ZNF385D: variants seen among roughly 807,000 people sequenced by gnomAD.
The protein encoded by ZNF385D is zinc finger protein 385D, also known as zinc finger protein 659.
Under a neutral mutation model 35.8 loss-of-function variants are expected in ZNF385D, and 15 were observed. The observed-to-expected ratio is 0.42, with a 90% CI of 0.28 to 0.64. The LOEUF (loss-of-function observed/expected upper bound fraction) is 0.64. Among genes scored for constraint, ZNF385D ranks in the 30% least tolerant of loss-of-function variants. ZNF385D has a pLI of 0.23. For synonymous variants in ZNF385D, 212 were observed against 186.8 expected (o/e 1.13, Z -1.10); for missense variants, 474 against 494.6 (o/e 0.96, Z 0.39).
rs1232984236 is a variant in ZNF385D, at chr3:22,314,320, T to G, written c.106+58130A>C. On this transcript the variant is annotated intron_variant, in intron 2 of 5. Transcript: ENST00000494108. ...CCCAAAGTCTATCGTATCATTCTTA[T>G]GCCTTTGCACCCTCATAGCTTAGCT... is the stretch of plus-strand genomic sequence containing the variant. Among the ~76,000 whole-genome samples, 2 of 152,142 alleles carry G rather than the reference T, an allele frequency of 1.3e-5. 1 individual carries two copies. The highest frequency in any genetic ancestry group is 2.9e-5 in the Non-Finnish European group (2 of 68,020).
chr3:22,329,815 T>C (rs548606050), intron 2 of ZNF385D, among the ~76,000 whole-genome samples: 7 of 152,300 alleles, frequency 4.6e-5, no homozygotes, highest in East Asian at 1.9e-4. Flanking sequence ...ATACACAATA[T>C]TACTTTAAAC....
intron 2 of ZNF385D, among the ~76,000 whole-genome samples, chr3:21,662,854 A>G (rs2066280318): frequency 6.6e-6 from 1 of 152,244 alleles, no homozygotes; most frequent in South Asian, 2.1e-4. Context: ...AGGGTTTACA[A>G]GCTGCTTATG....
chr3:21,674,441 T>C (rs547680432), intron 1 of ZNF385D, among the ~76,000 whole-genome samples: 1 of 152,174 alleles, frequency 6.6e-6, no homozygotes, highest in East Asian at 1.9e-4. Context: ...ATCCAGAATA[T>C]CTAATAAAAC....
chr3:21,731,506 A>G (rs1045948516), intron 1 of ZNF385D, among the ~76,000 whole-genome samples: 10 of 152,182 alleles, frequency 6.6e-5, no homozygotes, highest in African/African-American at 2.4e-4. Flanking sequence ...AACATGTCAT[A>G]ACTACCCAGA....
Position 22,082,071 on chromosome 3 carries a change from A to G in ZNF385D, c.325+86746T>C, listed in dbSNP as rs1287602047. 2.7e-5 allele frequency among the ~76,000 whole-genome samples: 4 copies of G among 150,582 alleles called. No individual in the cohort carries two copies. The East Asian group carries it at 7.8e-4, about 29-fold the overall frequency. ...AATGACTTCGAACTGCAGTGTTAAG[A>G]ATTTTCTTCTGTTCCAAACTGTCTG... is the stretch of plus-strand genomic sequence containing the variant. On this transcript the variant is annotated intron_variant, in intron 3 of 5. Coordinates refer to the ZNF385D transcript ENST00000494108.
chr3:21,559,004 T>TTC (rs386396101), intron 3 of ZNF385D, among the ~76,000 whole-genome samples: 1 of 151,532 alleles, frequency 6.6e-6, no homozygotes, highest in Non-Finnish European at 1.5e-5. Context: ...TTTTTTTTTT[T>TTC]TGCTGTCCAT....
chr3:21,602,517 C>CCTTTTTTTTTTTTTTTTTTTTTTT (rs2064333283), intron 2 of ZNF385D, among the ~76,000 whole-genome samples: 1 of 62,710 alleles, frequency 1.6e-5, no homozygotes, highest in African/African-American at 7.6e-5. Context: ...CCTGCATTTT[C>CCTTTTTTTTTTTTTTTTTTTTTTT]TTTTTTTTTT....
intron 3 of ZNF385D, among the ~76,000 whole-genome samples, chr3:21,555,220 T>G (rs2062691338): frequency 6.6e-6 from 1 of 151,974 alleles, no homozygotes; most frequent in South Asian, 2.1e-4. Flanking sequence ...TTGTAGTTTT[T>G]TTTTTTTTTT....
chr3:22,273,750 C>T (rs1022261316), intron 2 of ZNF385D, among the ~76,000 whole-genome samples: 8 of 151,894 alleles, frequency 5.3e-5, no homozygotes, highest in Non-Finnish European at 8.8e-5. Context: ...AAGTTGAATA[C>T]GCAAATGGCA....
chr3:21,594,575 G>A (rs929902523), intron 2 of ZNF385D, among the ~76,000 whole-genome samples: 8 of 152,084 alleles, frequency 5.3e-5, no homozygotes, highest in Non-Finnish European at 1.2e-4. Context: ...GGGATTGTGG[G>A]GGCCTGAGTA....
In ZNF385D at chr3:21,426,702, G is replaced by T. The variant is rs186704004; in HGVS notation, c.674-1032C>A. Among the ~76,000 whole-genome samples the T allele has an allele frequency of 2.0e-5, 3 of 152,176 alleles. No individual in the cohort carries two copies. The East Asian group carries it at 5.8e-4, about 29-fold the overall frequency. On this transcript the variant is annotated intron_variant, in intron 5 of 7. Transcript: ENST00000281523. ...GATTGTACGTTCGGCAACCATTAAA[G>T]AAATGATTCCTAACTTCTGAGTTAC...
intron 3 of ZNF385D, among the ~76,000 whole-genome samples, chr3:21,945,144 G>GTATGTGTATATATA (rs1491234736): frequency 6.6e-6 from 1 of 150,502 alleles, no homozygotes; most frequent in East Asian, 2.0e-4. Flanking sequence ...ATATGTATAT[G>GTATGTGTATATATA]CATATATATA....
chr3:21,916,857 C>T (rs1700214809), intron 3 of ZNF385D, among the ~76,000 whole-genome samples: 1 of 152,138 alleles, frequency 6.6e-6, no homozygotes, highest in Admixed American at 6.5e-5. Context: ...GGAAACTTAG[C>T]TTTAGATCTC....
At chr3:22,252,212 A>G (rs1375697675) in intron 2 of ZNF385D, among the ~76,000 whole-genome samples, 1 of 152,096 alleles carries the variant, frequency 6.6e-6, no homozygotes, top group Non-Finnish European at 1.5e-5. Context: ...ATACAATTGC[A>G]TGCTTAGCAC....
In ZNF385D at chr3:22,094,148, GCAT is replaced by G. The variant is rs563903342; in HGVS notation, c.325+74666_325+74668del. The stretch of plus-strand genomic sequence containing the variant: ...CGTGTCATTGCTTTAATGTCTTCCG[GCAT>G]CAAATATTCTAATTTTCCTTTCTAC... On this transcript the variant is annotated intron_variant, in intron 3 of 5. Coordinates refer to the ZNF385D transcript ENST00000494108. Among the ~76,000 whole-genome samples the G allele has an allele frequency of 1.5e-3, 232 of 151,500 alleles. 1 individual carries two copies. The highest frequency in any genetic ancestry group is 2.9e-3 in the Non-Finnish European group (194 of 67,864).
At chr3:22,306,729 G>A (rs1373828122) in intron 2 of ZNF385D, among the ~76,000 whole-genome samples, 1 of 152,088 alleles carries the variant, frequency 6.6e-6, no homozygotes, top group African/African-American at 2.4e-5. Context: ...GGAGAGATAA[G>A]ATTTGCTAAT....
intron 3 of ZNF385D, among the ~76,000 whole-genome samples, chr3:22,158,807 T>G (rs775035829): frequency 6.6e-6 from 1 of 151,638 alleles, no homozygotes; most frequent in South Asian, 2.1e-4. Context: ...TTCAAAAGGG[T>G]GGGCCTCAGA....
intron 4 of ZNF385D, among the ~76,000 whole-genome samples, chr3:21,497,875 T>C (rs1452728324): frequency 6.6e-6 from 1 of 151,700 alleles, no homozygotes; most frequent in Non-Finnish European, 1.5e-5. Context: ...ATAAAAATAA[T>C]AAAACTCTTA....
intron 2 of ZNF385D, among the ~76,000 whole-genome samples, chr3:22,274,885 AT>A (rs1167350977): frequency 4.6e-5 from 7 of 151,992 alleles, no homozygotes; most frequent in African/African-American, 1.7e-4. Flanking sequence ...GATAGCAACA[AT>A]ATAATCAAAG....
Sources: allele counts gnomAD v4.1 joint callset (sites outside exome capture counted in the v4.1 genomes callset), GRCh38; gene constraint gnomAD v4.1.1; transcripts MANE v1.5; gene names NCBI Gene and HGNC (gene_info 2026-07-23, HGNC 2026-07-21).